ZDHHC11: variants seen among roughly 807,000 people sequenced by gnomAD.
ZDHHC11 encodes zDHHC palmitoyltransferase 11.
In ZDHHC11, 44 loss-of-function variants were observed where a neutral mutation model predicts 51.3. The observed-to-expected ratio is 0.86, with a 90% CI of 0.67 to 1.10. ZDHHC11 has a LOEUF of 1.10. Ranked by LOEUF, ZDHHC11 falls within the 50% of genes least tolerant of loss-of-function variation. The probability of loss-of-function intolerance (pLI) is 0.00; values close to 1 mark genes in which losing one functional copy is unlikely to be tolerated. For synonymous variants in ZDHHC11, 163 were observed against 222.0 expected (o/e 0.73, Z 2.36); for missense variants, 400 against 537.7 (o/e 0.74, Z 2.53).
chr5:813,742 G>A (rs1302755036), intron 11 of ZDHHC11, among the ~76,000 whole-genome samples: 3 of 145,792 alleles, frequency 2.1e-5, no homozygotes, highest in African/African-American at 5.4e-5. Flanking sequence ...AGGCTGGGGT[G>A]GGGGCTTCCC....
At chr5:854,907 G>C (rs1747928446), upstream of ZDHHC11, among the ~76,000 whole-genome samples, 1 of 123,132 alleles carries the variant, frequency 8.1e-6, no homozygotes, top group Admixed American at 8.7e-5. Context: ...GGGTCAGACT[G>C]CCCAGAGGAC....
intron 10 of ZDHHC11, among the ~76,000 whole-genome samples, chr5:819,194 T>A (rs1462213017): frequency 2.6e-5 from 4 of 151,592 alleles, no homozygotes; most frequent in Non-Finnish European, 5.9e-5. Context: ...CCATCCTTTA[T>A]CACGGCACTG....
upstream of ZDHHC11, among the ~76,000 whole-genome samples, chr5:852,931 CCG>C (rs1747489084): frequency 6.9e-6 from 1 of 144,360 alleles, no homozygotes; most frequent in Admixed American, 6.9e-5. Flanking sequence ...GGACAGCGAG[CCG>C]AGGGGACAGA....
At chr5:818,309 G>A (rs1207823850) in intron 10 of ZDHHC11, among the ~76,000 whole-genome samples, 15 of 151,668 alleles carry the variant, frequency 9.9e-5, no homozygotes, top group African/African-American at 2.9e-4. Flanking sequence ...GGGTGAGTCT[G>A]GGCGGGGCAG....
At chr5:812,705 T>C (rs1740255351) in intron 11 of ZDHHC11, among the ~76,000 whole-genome samples, 1 of 151,484 alleles carries the variant, frequency 6.6e-6, no homozygotes, top group South Asian at 2.1e-4. Context: ...AAAACAATAT[T>C]GTCAGTATCT....
At chr5:836,922 T>C (rs1376329153) in intron 6 of ZDHHC11, among the ~76,000 whole-genome samples, 1 of 150,018 alleles carries the variant, frequency 6.7e-6, no homozygotes, top group Non-Finnish European at 1.5e-5. Context: ...TCGGGCGTAG[T>C]GGCATACATC....
intron 4 of ZDHHC11, chr5:841,571 C>G (rs1744972705): frequency 1.0e-6 from 1 of 1,001,672 alleles, no homozygotes. Context: ...AGCCTGCCAG[C>G]TCTGCCAGGC....
chr5:845,167 G>C (rs1168279102), intron 3 of ZDHHC11, among the ~76,000 whole-genome samples: 2 of 152,296 alleles, frequency 1.3e-5, no homozygotes, highest in African/African-American at 4.8e-5. Flanking sequence ...AGGCATGAGC[G>C]GCTCCCTGAC....
At chr5:815,561 C>T (rs1462450317) in intron 10 of ZDHHC11, among the ~76,000 whole-genome samples, 1 of 151,464 alleles carries the variant, frequency 6.6e-6, no homozygotes, top group African/African-American at 2.4e-5. Context: ...TATTGTTCAT[C>T]TTCTTTTTAA....
intron 5 of ZDHHC11, among the ~76,000 whole-genome samples, chr5:838,721 A>G (rs981920480): frequency 6.6e-6 from 1 of 152,178 alleles, no homozygotes; most frequent in African/African-American, 2.4e-5. Flanking sequence ...TTCCAAGTGC[A>G]GTGCCTGGCT....
At chr5:809,004 C>CACACACACACACAG (rs1739709215) in intron 11 of ZDHHC11, among the ~76,000 whole-genome samples, 2 of 144,874 alleles carry the variant, frequency 1.4e-5, no homozygotes, top group African/African-American at 5.3e-5. Context: ...CACACACACA[C>CACACACACACACAG]ACACACACAC....
intron 6 of ZDHHC11, among the ~76,000 whole-genome samples, chr5:836,520 G>A (rs1164468838): frequency 6.7e-6 from 1 of 150,024 alleles, no homozygotes; most frequent in Admixed American, 6.6e-5. Context: ...GTTGGGAAGT[G>A]TTGCTTCCTT....
chr5:840,466 G>T (rs755690289), intron 5 of ZDHHC11, 29 bp downstream of exon 5: 2 of 1,613,040 alleles, frequency 1.2e-6, no homozygotes, highest in Admixed American at 1.7e-5. Flanking sequence ...AGCCTTGGGG[G>T]GATCGGGGGC....
At chr5:835,921 T>C (rs1490927078) in intron 6 of ZDHHC11, among the ~76,000 whole-genome samples, 2 of 151,934 alleles carry the variant, frequency 1.3e-5, no homozygotes, top group Non-Finnish European at 2.9e-5. Flanking sequence ...TGTATTTTAA[T>C]ATGTGCCCCA....
At chr5:819,079 C>T (rs1156598842) in intron 10 of ZDHHC11, among the ~76,000 whole-genome samples, 5 of 151,544 alleles carry the variant, frequency 3.3e-5, no homozygotes, top group African/African-American at 9.7e-5. Context: ...CACATGTGAC[C>T]ACAAACACAT....
At chr5:857,622 C>A in intron 1 of ZDHHC11, among the ~76,000 whole-genome samples, 1 of 147,290 alleles carries the variant, frequency 6.8e-6, no homozygotes, top group East Asian at 2.0e-4. Flanking sequence ...CGACACCAGG[C>A]CCCCAGAGTC....
At chr5:855,540 G>A (rs546482561), upstream of ZDHHC11, among the ~76,000 whole-genome samples, 5 of 146,472 alleles carry the variant, frequency 3.4e-5, no homozygotes, top group East Asian at 4.2e-4. Context: ...ACAGCGAGCC[G>A]GCAAGACAGA....
rs1168880948 is a variant in ZDHHC11, at chr5:809,217, G to A, written c.1181+5544C>T. Among the ~76,000 whole-genome samples, 10 of 143,104 alleles carry A rather than the reference G, an allele frequency of 7.0e-5. 1 individual carries two copies. Among genetic ancestry groups the A allele is most frequent in the Non-Finnish European group, 1.1e-4 (7 of 65,742 alleles). The allele number at this position is 143,104 out of a possible 152,430, so 93.9% of individuals were successfully genotyped here. A position where few individuals can be genotyped will look rare whatever the true frequency, so the allele number is the denominator to read the frequency against. ...TGTCTGCCCATCACTCTGGTCTGCC[G>A]CATTTCAGACTGGTTGCAGACATCT... On this transcript the variant is annotated intron_variant, in intron 11 of 12. Transcript: ENST00000283441.
At chr5:823,983 C>T (rs1369833283) in intron 8 of ZDHHC11, 27 of 444,984 alleles carry the variant, frequency 6.1e-5, no homozygotes, top group Non-Finnish European at 1.2e-4. Context: ...AGGCAAGGGG[C>T]AAGGCTTGGA....
Sources: gnomAD v4.1 joint callset for allele counts (sites outside exome capture counted in the v4.1 genomes callset) on GRCh38, gnomAD v4.1.1 for gene constraint, MANE v1.5 for transcripts, NCBI Gene and HGNC (gene_info 2026-07-23, HGNC 2026-07-21) for gene names.